The following ZNF594 variants were observed in gnomAD, a reference collection of about 807,000 sequenced individuals.
ZNF594 encodes zinc finger protein HZF18.
For missense variants in ZNF594, 1,037 were observed against 964.6 expected, an observed-to-expected ratio of 1.08 and a Z score of -0.99; for synonymous variants, 336 against 309.4, an observed-to-expected ratio of 1.09 and a Z score of -0.90.
intron 1 of ZNF594, among the ~76,000 whole-genome samples, chr17:5,188,163 T>G (rs2074397843): frequency 6.7e-6 from 1 of 149,892 alleles, no homozygotes; most frequent in African/African-American, 2.5e-5. Context: ...AAGTGTTTAG[T>G]GTTTTTTTTT....
Position 5,181,211 on chromosome 17 carries a change from C to G in ZNF594, c.*622G>C. 6.2e-7 allele frequency: 1 copy of G among 1,611,814 alleles called. No individual in the cohort carries two copies. Among genetic ancestry groups the G allele is most frequent in the African/African-American group, 1.3e-5 (1 of 74,980 alleles). On this transcript the variant is annotated 3_prime_UTR_variant, in exon 2 of 2. Coordinates refer to ENST00000575779, the MANE Select transcript of ZNF594 (RefSeq NM_032530.2). ...GATCTGAGCTGCCCCTAAAAGATTTCCCACATTTGTTGCATACATAAGGTT... is the reference window on the plus strand; with the variant it reads ...GATCTGAGCTGCCCCTAAAAGATTTGCCACATTTGTTGCATACATAAGGTT...
chr17:5,174,384 A>G, the ZNF594 span: 1 of 190,850 alleles, frequency 5.2e-6, no homozygotes, highest in East Asian at 8.3e-5. Context: ...GTAATTACCA[A>G]TGTAACTAAG....
rs753397660 is a variant in ZNF594 at position 5,181,785 on chromosome 17, G to A, written c.*48C>T. 12 of 1,612,134 alleles carry A rather than the reference G, an allele frequency of 7.4e-6. No homozygotes were observed. In the African/African-American group the frequency reaches 9.4e-5, roughly 13 times the overall value. On this transcript the variant is annotated 3_prime_UTR_variant, in exon 2 of 2. Coordinates refer to ENST00000575779, the MANE Select transcript of ZNF594 (RefSeq NM_032530.2). ...AATAAGATCTGAGCTGCTCCTAAAA[G>A]ATTCCCCACATTTATTGCATACGTA...
chr17:5,187,887 C>CTTTTTTTTTTTTTTT (rs58396316), intron 1 of ZNF594, among the ~76,000 whole-genome samples: 1 of 132,588 alleles, frequency 7.5e-6, no homozygotes. Flanking sequence ...GCTGGATTTC[C>CTTTTTTTTTTTTTTT]TTTTTTTTTT....
rs1567823655 is a variant in ZNF594 at position 5,180,873 on chromosome 17, A to G, written c.*960T>C. The G allele has an allele frequency of 4.1e-6, 2 of 485,182 alleles. No individual in the cohort carries two copies. Among genetic ancestry groups the G allele is most frequent in the Non-Finnish European group, 7.6e-6 (2 of 264,434 alleles). 30.1% of individuals were successfully genotyped at this position (485,182 alleles called of 1,614,324 possible). ...TTTTTTTCTAATAAAACTCATTTGT[A>G]GTGCAATAAGATGTGGTCTCCATCA... is the stretch of plus-strand genomic sequence containing the variant. On this transcript the variant is annotated 3_prime_UTR_variant, in exon 2 of 2. Coordinates refer to ENST00000575779, the MANE Select transcript of ZNF594 (RefSeq NM_032530.2).
rs145625133 is a variant in ZNF594, at chr17:5,181,587, C to T, written c.*246G>A. The T allele has an allele frequency of 1.3e-4, 212 of 1,612,592 alleles. 2 individuals are homozygous for T. The Middle Eastern group carries it at 2.0e-3, about 15-fold the overall frequency. ...TTTCTCACCACTATGAATTCTCCGACGTTGAATAAGGAGTGAACGCCGCCT... is the reference window on the plus strand; with the variant it reads ...TTTCTCACCACTATGAATTCTCCGATGTTGAATAAGGAGTGAACGCCGCCT... On this transcript the variant is annotated 3_prime_UTR_variant, in exon 2 of 2. Transcript: ENST00000575779.
rs920780814 is a variant in ZNF594 at position 5,191,811 on chromosome 17, G to A, written c.-84C>T. 3.9e-5 allele frequency: 6 copies of A among 152,196 alleles called. No homozygotes were observed. The highest frequency in any genetic ancestry group is 5.9e-5 in the Non-Finnish European group (4 of 68,100). The allele number at this position is 152,196 out of a possible 1,614,324, so 9.4% of individuals were successfully genotyped here. A position where few individuals can be genotyped will look rare whatever the true frequency, so the allele number is the denominator to read the frequency against. ...CCTCCACGGCCGCTATCACTGGGTCGCGGCTCCTAGCGCCACCATCTTGGA... is the reference window on the plus strand; with the variant it reads ...CCTCCACGGCCGCTATCACTGGGTCACGGCTCCTAGCGCCACCATCTTGGA... On this transcript the variant is annotated 5_prime_UTR_variant, in exon 1 of 2. Coordinates refer to ENST00000575779, the MANE Select transcript of ZNF594 (RefSeq NM_032530.2).
intron 1 of ZNF594, among the ~76,000 whole-genome samples, chr17:5,185,325 G>A (rs191832887): frequency 5.8e-4 from 88 of 152,352 alleles, no homozygotes; most frequent in Non-Finnish European, 1.0e-3. Context: ...AAGAGAAAAT[G>A]AGGAAGATGC....
At chr17:5,179,160 C>T (rs927212602), downstream of ZNF594, among the ~76,000 whole-genome samples, 6 of 150,394 alleles carry the variant, frequency 4.0e-5, no homozygotes, top group South Asian at 2.3e-4. Context: ...CCGGGAAGCC[C>T]GAGCAGCCTG....
downstream of ZNF594, among the ~76,000 whole-genome samples, chr17:5,178,243 A>T (rs1273525640): frequency 6.6e-6 from 1 of 152,178 alleles, no homozygotes; most frequent in African/African-American, 2.4e-5. Context: ...ACCAAGTGGG[A>T]TATACTAAAA....
At chr17:5,175,648 G>T (rs1042206496), downstream of ZNF594, among the ~76,000 whole-genome samples, 2 of 152,068 alleles carry the variant, frequency 1.3e-5, no homozygotes, top group Non-Finnish European at 2.9e-5. Flanking sequence ...ACCTACAGTG[G>T]GTCCTACAGT....
rs777359392 is a variant in ZNF594, at chr17:5,183,790, A to T, written c.467T>A (p.Val156Glu). 45 of 1,614,002 alleles carry T rather than the reference A, an allele frequency of 2.8e-5. No homozygotes were observed. The highest frequency in any genetic ancestry group is 3.7e-5 in the Non-Finnish European group (44 of 1,180,038). ...QRIHTGNKPY[V>E]CNECGKDSNQ... The stretch of plus-strand genomic sequence containing the variant: ...AGAGTCTTTCCCACATTCATTACAC[A>T]CATATGGCTTATTTCCTGTATGAAT... The change falls in exon 2 of 2, where the codon GTG (valine) becomes GAG (glutamate). Residue 156 changes from valine to glutamate, a missense_variant. Transcript: ENST00000575779.
At chr17:5,177,065 G>A (rs1247149062), downstream of ZNF594, among the ~76,000 whole-genome samples, 1 of 151,840 alleles carries the variant, frequency 6.6e-6, no homozygotes, top group Non-Finnish European at 1.5e-5. Context: ...GCGGGGTGGC[G>A]GGTGCCTGTA....
Position 5,181,975 on chromosome 17 carries a change from T to C in ZNF594, c.2282A>G (p.Tyr761Cys), listed in dbSNP as rs1166590801. The change falls in exon 2 of 2, where the codon TAT becomes TGT. Residue 761 changes from tyrosine to cysteine, a missense_variant. Coordinates refer to ENST00000575779, the MANE Select transcript of ZNF594 (RefSeq NM_032530.2). ...GGTCCTACTACACTGATTACACCAA[T>C]AAACTTTCTTTTCCTGGTGAGTTCT... ...EQRTHQEKKV[Y>C]WCNQCSRTFQ... 4.3e-6 allele frequency: 7 copies of C among 1,613,596 alleles called. No homozygotes were observed. Among genetic ancestry groups the C allele is most frequent in the Non-Finnish European group, 5.9e-6 (7 of 1,180,010 alleles).
chr17:5,178,857 C>T (rs367984369), downstream of ZNF594, among the ~76,000 whole-genome samples: 4 of 152,246 alleles, frequency 2.6e-5, no homozygotes, highest in East Asian at 3.9e-4. Context: ...TAAGAAACAA[C>T]TATCTGCACT....
At position 5,182,083 on chromosome 17, in the gene ZNF594, T is replaced by C. The variant is rs200383395; in HGVS notation, c.2174A>G (p.Lys725Arg). 3.7e-6 allele frequency: 6 copies of C among 1,613,596 alleles called. No homozygotes were observed. Among genetic ancestry groups the C allele is most frequent in the Non-Finnish European group, 4.2e-6 (5 of 1,180,018 alleles). The change falls in exon 2 of 2, where the codon AAA (lysine) becomes AGA (arginine). Residue 725 changes from lysine (K) to arginine (R), a missense_variant. Lys to Arg is a conservative substitution (Grantham distance 26). Coordinates refer to ENST00000575779, the MANE Select transcript of ZNF594 (RefSeq NM_032530.2). ...CTCTCCAGCATGCAGTCTCTGATGT[T>C]TGAGGAAAGCCGTGTGCCACATGAA... ...KLFMWHTAFL[K>R]HQRLHAGEKL...
chr17:5,191,360 C>T (rs1323822520), intron 1 of ZNF594: 1 of 152,226 alleles, frequency 6.6e-6, no homozygotes, highest in Non-Finnish European at 1.5e-5. Flanking sequence ...ATTCCTGTGG[C>T]TTAGTCTAGC....
downstream of ZNF594, among the ~76,000 whole-genome samples, chr17:5,175,474 A>G (rs767378330): frequency 1.2e-4 from 18 of 152,218 alleles, no homozygotes; most frequent in Admixed American, 6.5e-5. Flanking sequence ...CACAACACCC[A>G]TCCCTGGTGC....
intron 1 of ZNF594, among the ~76,000 whole-genome samples, chr17:5,190,346 G>C (rs1002579225): frequency 2.0e-5 from 3 of 152,140 alleles, no homozygotes; most frequent in African/African-American, 7.2e-5. Context: ...CTAGTCTGTT[G>C]ACAGAGCGAG....
Sources: allele counts gnomAD v4.1 joint callset (sites outside exome capture counted in the v4.1 genomes callset), GRCh38; gene constraint gnomAD v4.1.1; transcripts MANE v1.5; gene names NCBI Gene and HGNC (gene_info 2026-07-23, HGNC 2026-07-21).